Variants in SLC5A4 observed in about 807,000 individuals in gnomAD.
SLC5A4 encodes the protein probable glucose sensor protein SLC5A4.
Under a neutral mutation model 70.3 loss-of-function variants are expected in SLC5A4, and 55 were observed. That is an observed-to-expected ratio of 0.78 (90% CI 0.63 to 0.98). SLC5A4 has a LOEUF of 0.98. Among genes scored for constraint, SLC5A4 ranks in the 50% least tolerant of loss-of-function variants. SLC5A4 has a pLI of 0.00. For synonymous variants in SLC5A4, 268 were observed against 305.7 expected (o/e 0.88, Z 1.29); for missense variants, 735 against 839.2 (o/e 0.88, Z 1.53).
intron 14 of SLC5A4, 126 bp from the exon 15 acceptor site, chr22:32,218,851 C>A: frequency 1.5e-6 from 1 of 649,150 alleles, no homozygotes; most frequent in Non-Finnish European, 2.5e-6. Flanking sequence ...AAGAGGAATC[C>A]CTGAGAAAAT....
the SLC5A4 span, among the ~76,000 whole-genome samples, chr22:32,347,403 C>T: frequency 6.6e-6 from 1 of 152,072 alleles, no homozygotes; most frequent in Admixed American, 6.6e-5. Context: ...GACACATGCA[C>T]ACGTATGTTT....
At chr22:32,324,753 T>C in the SLC5A4 span, among the ~76,000 whole-genome samples, 1 of 152,190 alleles carries the variant, frequency 6.6e-6, no homozygotes, top group Admixed American at 6.5e-5. Flanking sequence ...TTAACCTCTC[T>C]GGGCCTTAGG....
rs527532769 is a variant in SLC5A4 at position 32,254,236 on chromosome 22, G to T, written c.136-23C>A. 48 of 1,598,846 alleles carry T rather than the reference G, an allele frequency of 3.0e-5. No individual in the cohort carries two copies. In the East Asian group the frequency reaches 4.9e-4, roughly 16 times the overall value. Reference sequence around the variant, plus strand: ...CGCCTGAGCAGAAGGGAAGACAGGTGAGGGTCAAGCCCCAGCAAGTGCACC... The same window carrying T: ...CGCCTGAGCAGAAGGGAAGACAGGTTAGGGTCAAGCCCCAGCAAGTGCACC... On this transcript the variant is annotated intron_variant, in intron 1 of 14. Transcript: ENST00000266086.
At chr22:32,345,869 T>G in the SLC5A4 span, among the ~76,000 whole-genome samples, 1 of 152,246 alleles carries the variant, frequency 6.6e-6, no homozygotes, top group Non-Finnish European at 1.5e-5. Context: ...TAAATCCGTC[T>G]AATTTAAATT....
the SLC5A4 span, among the ~76,000 whole-genome samples, chr22:32,319,225 C>T: frequency 6.6e-6 from 1 of 151,698 alleles, no homozygotes; most frequent in East Asian, 1.9e-4. Context: ...GGTCTCAGGT[C>T]CTCGACTCAC....
the SLC5A4 span, among the ~76,000 whole-genome samples, chr22:32,330,856 TGTAGGTG>T: frequency 1.2e-4 from 16 of 131,848 alleles, no homozygotes; most frequent in South Asian, 2.7e-4. Flanking sequence ...GGCTCTGGTG[TGTAGGTG>T]TTGGAGGGTC....
chr22:32,350,294 T>C, the SLC5A4 span, among the ~76,000 whole-genome samples: 1 of 152,190 alleles, frequency 6.6e-6, no homozygotes, highest in East Asian at 1.9e-4. Context: ...TGCCACGCAG[T>C]TTAAAAATTC....
chr22:32,307,371 C>T, the SLC5A4 span, among the ~76,000 whole-genome samples: 1 of 152,166 alleles, frequency 6.6e-6, no homozygotes, highest in African/African-American at 2.4e-5. Context: ...TCCAAGGTCA[C>T]TTTCATGGGT....
chr22:32,288,552 CT>C, the SLC5A4 span, among the ~76,000 whole-genome samples: 1 of 151,738 alleles, frequency 6.6e-6, no homozygotes, highest in Non-Finnish European at 1.5e-5. Flanking sequence ...TTGTTTTTTT[CT>C]TTTTTTTGTT....
At chr22:32,315,210 A>G in the SLC5A4 span, among the ~76,000 whole-genome samples, 11 of 151,956 alleles carry the variant, frequency 7.2e-5, no homozygotes, top group Admixed American at 7.2e-4. Context: ...CAATGAGCAC[A>G]GAATTTGTGT....
intron 5 of SLC5A4, among the ~76,000 whole-genome samples, chr22:32,240,142 G>T (rs1473769108): frequency 2.0e-5 from 3 of 151,970 alleles, no homozygotes; most frequent in Non-Finnish European, 2.9e-5. Context: ...TTTGAATTGG[G>T]GGGTTAGTTA....
At chr22:32,245,709 C>T (rs1190308105) in intron 5 of SLC5A4, among the ~76,000 whole-genome samples, 3 of 152,112 alleles carry the variant, frequency 2.0e-5, no homozygotes, top group Non-Finnish European at 4.4e-5. Context: ...TTAGTAGAGA[C>T]GAGGTTTCAC....
At chr22:32,311,930 G>A in the SLC5A4 span, among the ~76,000 whole-genome samples, 324 of 152,266 alleles carry the variant, frequency 2.1e-3, 5 homozygotes, top group African/African-American at 7.3e-3. Flanking sequence ...GCACCCCTGA[G>A]GTCAAACGAG....
chr22:32,323,069 A>G, the SLC5A4 span, among the ~76,000 whole-genome samples: 33 of 152,260 alleles, frequency 2.2e-4, no homozygotes, highest in East Asian at 4.8e-3. Context: ...CTATAGTTCG[A>G]TTTGCTTAGA....
intron 13 of SLC5A4, among the ~76,000 whole-genome samples, chr22:32,222,206 A>G (rs1034191292): frequency 1.3e-5 from 2 of 152,206 alleles, no homozygotes; most frequent in African/African-American, 4.8e-5. Context: ...CTTCTCACTA[A>G]GATTCCTAAT....
At chr22:32,325,340 T>C in the SLC5A4 span, among the ~76,000 whole-genome samples, 5 of 152,192 alleles carry the variant, frequency 3.3e-5, no homozygotes, top group Non-Finnish European at 5.9e-5. Context: ...GGTGAGTGTC[T>C]AGCAGTCTTG....
chr22:32,271,103 C>A, the SLC5A4 span: 2 of 593,220 alleles, frequency 3.4e-6, no homozygotes, highest in Non-Finnish European at 6.2e-6. Flanking sequence ...AAGCAGCCAG[C>A]CCCTGCCGAC....
the SLC5A4 span, among the ~76,000 whole-genome samples, chr22:32,329,674 T>G: frequency 6.2e-5 from 2 of 32,456 alleles, no homozygotes; most frequent in Non-Finnish European, 1.1e-4. Flanking sequence ...GTGTGTGTGT[T>G]GGGGGCTCTG....
At chr22:32,240,437 GTATA>G (rs3069416) in intron 5 of SLC5A4, among the ~76,000 whole-genome samples, 2 of 149,440 alleles carry the variant, frequency 1.3e-5, no homozygotes, top group Middle Eastern at 3.4e-3. Context: ...ATATATGTGT[GTATA>G]TATATATATG....
Sources: gnomAD v4.1 joint callset for allele counts (sites outside exome capture counted in the v4.1 genomes callset) on GRCh38, gnomAD v4.1.1 for gene constraint, MANE v1.5 for transcripts, NCBI Gene and HGNC (gene_info 2026-07-23, HGNC 2026-07-21) for gene names.